The following CDH12 variants were observed in gnomAD, a reference collection of about 807,000 sequenced individuals.
The protein encoded by CDH12 is cadherin-12.
In CDH12, 41 loss-of-function variants were observed where a neutral mutation model predicts 74.1. The ratio of observed to expected loss-of-function variants is 0.55; its 90% CI spans 0.43 to 0.72. The LOEUF (loss-of-function observed/expected upper bound fraction) is 0.72, where lower values mean the gene tolerates loss of function less well. Ranked by LOEUF, CDH12 falls within the 30% of genes least tolerant of loss-of-function variation. The pLI, the probability that CDH12 is intolerant of heterozygous loss-of-function variation, is 0.00. For synonymous variants in CDH12, 399 were observed against 355.0 expected (o/e 1.12, Z -1.39); for missense variants, 945 against 977.2 (o/e 0.97, Z 0.44).
chr5:22,502,555 T>C (rs1422041400), intron 2 of CDH12, among the ~76,000 whole-genome samples: 1 of 152,048 alleles, frequency 6.6e-6, no homozygotes, highest in African/African-American at 2.4e-5. Context: ...TTATACAGGA[T>C]AGATGGAAAT....
chr5:22,664,460 C>T (rs190102432), intron 1 of CDH12, among the ~76,000 whole-genome samples: 7 of 152,260 alleles, frequency 4.6e-5, no homozygotes, highest in African/African-American at 1.7e-4. Flanking sequence ...AATTCACTCA[C>T]TGTCACGAGA....
At chr5:21,857,122 C>T (rs570251665) in intron 6 of CDH12, among the ~76,000 whole-genome samples, 40 of 151,876 alleles carry the variant, frequency 2.6e-4, no homozygotes, top group African/African-American at 8.0e-4. Flanking sequence ...TCTCCGAGGA[C>T]TACCTTTTTC....
At chr5:22,164,052 A>C (rs979388550) in intron 4 of CDH12, among the ~76,000 whole-genome samples, 8 of 152,216 alleles carry the variant, frequency 5.3e-5, no homozygotes, top group Non-Finnish European at 8.8e-5. Context: ...ATTACAGAAG[A>C]AGCAAGTACA....
At chr5:22,137,619 T>C (rs1032633795) in intron 4 of CDH12, among the ~76,000 whole-genome samples, 7 of 152,076 alleles carry the variant, frequency 4.6e-5, no homozygotes, top group Admixed American at 1.3e-4. Flanking sequence ...CCAGGAGCAA[T>C]TGGCATAATT....
intron 3 of CDH12, among the ~76,000 whole-genome samples, chr5:22,301,723 AC>A (rs1209682363): frequency 2.6e-4 from 40 of 151,940 alleles, no homozygotes; most frequent in Admixed American, 1.4e-3. Context: ...CCTCCATCCC[AC>A]GGGTTCAAGA....
At chr5:22,652,430 A>G (rs2126885401) in intron 1 of CDH12, among the ~76,000 whole-genome samples, 1 of 152,228 alleles carries the variant, frequency 6.6e-6, no homozygotes, top group East Asian at 1.9e-4. Flanking sequence ...ATACTCTAGA[A>G]CCAGGTCTTG....
At chr5:22,095,994 C>T (rs964212601) in intron 4 of CDH12, among the ~76,000 whole-genome samples, 2 of 151,618 alleles carry the variant, frequency 1.3e-5, no homozygotes, top group Non-Finnish European at 2.9e-5. Flanking sequence ...TATTTCCATG[C>T]CCCAACCCCT....
rs536138376 is a variant in CDH12 at position 22,718,856 on chromosome 5, G to A, written c.-523+134202C>T. 5.3e-5 allele frequency among the ~76,000 whole-genome samples: 8 copies of A among 152,322 alleles called. No homozygotes were observed. In the East Asian group the frequency reaches 1.4e-3, roughly 26 times the overall value. ...TGGCCAAAAGATGCTAAACCCATCT[G>A]TGACTCCAAGAGGGAGAATGACTGG... is the stretch of plus-strand genomic sequence containing the variant. On this transcript the variant is annotated intron_variant, in intron 1 of 14. Coordinates refer to ENST00000382254, the MANE Select transcript of CDH12 (RefSeq NM_004061.5).
chr5:22,065,980 G>C (rs1190564493), intron 5 of CDH12, among the ~76,000 whole-genome samples: 1 of 152,038 alleles, frequency 6.6e-6, no homozygotes, highest in Non-Finnish European at 1.5e-5. Context: ...AAAGGTTCTA[G>C]GTCAGGTACA....
chr5:21,938,866 C>T lies in CDH12; in HGVS notation c.526+36225G>A, dbSNP rs868765952. On this transcript the variant is annotated intron_variant, in intron 6 of 14. Coordinates refer to ENST00000382254, the MANE Select transcript of CDH12 (RefSeq NM_004061.5). ...CTTTGAATTAGAATTATTTGAAAAA[C>T]GTAGGGCTATTCTGAAACAACAACC... Among the ~76,000 whole-genome samples, 8 of 150,276 alleles carry T rather than the reference C, an allele frequency of 5.3e-5. No homozygotes were observed. The South Asian group carries it at 6.3e-4, about 12-fold the overall frequency.
intron 2 of CDH12, among the ~76,000 whole-genome samples, chr5:22,435,524 G>A (rs10805740): frequency 3.4e-4 from 51 of 148,794 alleles, no homozygotes; most frequent in East Asian, 2.2e-3. Flanking sequence ...GTGTGTGTGT[G>A]TATATACATA....
At chr5:22,792,181 T>G (rs541652412) in intron 1 of CDH12, among the ~76,000 whole-genome samples, 6 of 149,612 alleles carry the variant, frequency 4.0e-5, no homozygotes, top group Non-Finnish European at 7.4e-5. Context: ...CTCCGCCTCC[T>G]GGGTTCAGGC....
At chr5:22,618,421 A>C (rs2126836251) in intron 1 of CDH12, among the ~76,000 whole-genome samples, 1 of 152,226 alleles carries the variant, frequency 6.6e-6, no homozygotes, top group South Asian at 2.1e-4. Flanking sequence ...TTGCCGATGT[A>C]GTCTTGGGTT....
At chr5:22,283,429 T>C (rs998510429) in intron 3 of CDH12, among the ~76,000 whole-genome samples, 2 of 151,508 alleles carry the variant, frequency 1.3e-5, no homozygotes, top group Admixed American at 6.6e-5. Context: ...AAATAAATAC[T>C]ATTTAGACTT....
intron 4 of CDH12, among the ~76,000 whole-genome samples, chr5:22,088,029 T>G (rs1283206230): frequency 6.6e-6 from 1 of 152,154 alleles, no homozygotes; most frequent in Non-Finnish European, 1.5e-5. Context: ...TTCCCAATTT[T>G]ATGTAGTTAA....
Position 22,522,623 on chromosome 5 carries a change from A to G in CDH12, c.-522-17259T>C, listed in dbSNP as rs143101714. 3.8e-3 allele frequency among the ~76,000 whole-genome samples: 575 copies of G among 152,300 alleles called. 1 individual carries two copies. Among genetic ancestry groups the G allele is most frequent in the Non-Finnish European group, 6.3e-3 (430 of 68,020 alleles). On this transcript the variant is annotated intron_variant, in intron 1 of 14. Transcript: ENST00000382254. ...TGAACAAGATCTTACATGAATTCCT[A>G]TAACTTCCTTACTTCTTACTCCAAA...
Position 22,640,727 on chromosome 5 carries a change from C to A in CDH12, c.-522-135363G>T, listed in dbSNP as rs1207048057. ...ACTTTTCCTTTACCTTACAAACCTA[C>A]ATCTTCTCAATGAGCACAACATGCA... On this transcript the variant is annotated intron_variant, in intron 1 of 14. Coordinates refer to ENST00000382254, the MANE Select transcript of CDH12 (RefSeq NM_004061.5). Among the ~76,000 whole-genome samples, 3 of 152,248 alleles carry A rather than the reference C, an allele frequency of 2.0e-5. No homozygotes were observed. The South Asian group carries it at 6.2e-4, about 32-fold the overall frequency.
At chr5:22,426,032 C>CA (rs1743920167) in intron 2 of CDH12, among the ~76,000 whole-genome samples, 1 of 151,754 alleles carries the variant, frequency 6.6e-6, no homozygotes, top group Admixed American at 6.6e-5. Flanking sequence ...ACTAAAAATA[C>CA]AAAAATTAGC....
In CDH12 at chr5:21,828,774, A is replaced by G. The variant is rs1001471573; in HGVS notation, c.815-11642T>C. ...ATGTTTTACTTGTCTTCTACTTTAC[A>G]TATTTCTATGTATAAAATCTATTAT... On this transcript the variant is annotated intron_variant, in intron 8 of 14. Transcript: ENST00000382254. Among the ~76,000 whole-genome samples the G allele has an allele frequency of 1.4e-4, 22 of 151,848 alleles. 1 individual carries two copies. Among genetic ancestry groups the G allele is most frequent in the Non-Finnish European group, 1.3e-4 (9 of 68,000 alleles).
Sources: allele counts gnomAD v4.1 joint callset (sites outside exome capture counted in the v4.1 genomes callset), GRCh38; gene constraint gnomAD v4.1.1; transcripts MANE v1.5; gene names NCBI Gene and HGNC (gene_info 2026-07-23, HGNC 2026-07-21).